Variants in LUZP2 observed in about 807,000 individuals in gnomAD.
The protein encoded by LUZP2 is leucine zipper protein 2.
A neutral mutation model predicts 51.6 loss-of-function variants in LUZP2; 52 were observed. The ratio of observed to expected loss-of-function variants is 1.01; its 90% CI spans 0.81 to 1.27. LUZP2 has a LOEUF of 1.27. Ranked by LOEUF, LUZP2 falls within the 50% of genes most tolerant of loss-of-function variation. LUZP2 has a pLI of 0.00. For synonymous variants in LUZP2, 154 were observed against 137.3 expected, an observed-to-expected ratio of 1.12 and a Z score of -0.85; for missense variants, 436 against 395.4, an observed-to-expected ratio of 1.10 and a Z score of -0.87.
At chr11:24,909,591 A>T (rs1565093145) in intron 6 of LUZP2, among the ~76,000 whole-genome samples, 1 of 152,206 alleles carries the variant, frequency 6.6e-6, no homozygotes, top group East Asian at 1.9e-4. Flanking sequence ...GCAGGGAGAA[A>T]ATGCCAATCA....
At chr11:25,004,136 C>A (rs937364100) in intron 9 of LUZP2, among the ~76,000 whole-genome samples, 3 of 152,130 alleles carry the variant, frequency 2.0e-5, no homozygotes, top group Non-Finnish European at 4.4e-5. Context: ...GACCTGGGCA[C>A]CCTGAGTCCA....
At chr11:24,531,139 G>T (rs955924231) in intron 1 of LUZP2, among the ~76,000 whole-genome samples, 3 of 149,570 alleles carry the variant, frequency 2.0e-5, no homozygotes, top group African/African-American at 7.3e-5. Context: ...CATTACCCTT[G>T]TTTCTCTGTC....
intron 1 of LUZP2, among the ~76,000 whole-genome samples, chr11:24,531,477 ATTG>A (rs1345745954): frequency 6.6e-6 from 1 of 150,862 alleles, no homozygotes; most frequent in Non-Finnish European, 1.5e-5. Context: ...GTATAAATAA[ATTG>A]TTGTTTATCA....
chr11:24,818,987 G>T (rs1350059525), intron 5 of LUZP2, among the ~76,000 whole-genome samples: 2 of 152,042 alleles, frequency 1.3e-5, no homozygotes, highest in African/African-American at 2.4e-5. Flanking sequence ...CCATGAAAAT[G>T]AGTTTTAATA....
chr11:24,605,561 ATTATT>A (rs1208894147), intron 1 of LUZP2, among the ~76,000 whole-genome samples: 1 of 151,740 alleles, frequency 6.6e-6, no homozygotes, highest in African/African-American at 2.4e-5. Flanking sequence ...AATAAAAATA[ATTATT>A]TTATTGAATG....
intron 1 of LUZP2, among the ~76,000 whole-genome samples, chr11:24,661,762 A>G (rs4287338): frequency 0.19 from 29,505 of 152,144 alleles, 2,971 homozygotes; most frequent in East Asian, 0.34. Flanking sequence ...TGAAATAGTA[A>G]CTATTCGTGA....
chr11:24,700,644 C>T (rs184318033), intron 1 of LUZP2, among the ~76,000 whole-genome samples: 2 of 151,676 alleles, frequency 1.3e-5, no homozygotes, highest in Non-Finnish European at 2.9e-5. Flanking sequence ...GATAATGTAC[C>T]GTAATTTTGT....
chr11:24,823,513 C>G (rs774934475), intron 5 of LUZP2, among the ~76,000 whole-genome samples: 1 of 151,576 alleles, frequency 6.6e-6, no homozygotes, highest in Non-Finnish European at 1.5e-5. Flanking sequence ...GTATTATAAT[C>G]AGATTTACAT....
chr11:24,991,859 A>G (rs1856357177), intron 9 of LUZP2, among the ~76,000 whole-genome samples: 2 of 151,858 alleles, frequency 1.3e-5, no homozygotes, highest in Non-Finnish European at 2.9e-5. Flanking sequence ...GGCCATTTGT[A>G]TGTTTTCTTT....
At chr11:25,002,891 G>A (rs1253642539) in intron 9 of LUZP2, among the ~76,000 whole-genome samples, 4 of 152,200 alleles carry the variant, frequency 2.6e-5, no homozygotes, top group East Asian at 3.9e-4. Context: ...CTTGATTAGA[G>A]TATACAGGAG....
At chr11:24,738,443 AG>A (rs1274104100) in intron 4 of LUZP2, 141 bp downstream of exon 4, 1 of 616,968 alleles carries the variant, frequency 1.6e-6, no homozygotes, top group Non-Finnish European at 2.9e-6. Context: ...CAATGTGAAC[AG>A]AATAGTACTT....
chr11:25,077,091 T>A (rs1859329553), intron 10 of LUZP2, among the ~76,000 whole-genome samples: 1 of 152,194 alleles, frequency 6.6e-6, no homozygotes, highest in Non-Finnish European at 1.5e-5. Flanking sequence ...TGTACTTCTT[T>A]GTAGTAGCTG....
At chr11:24,910,604 G>A (rs1451767842) in intron 6 of LUZP2, among the ~76,000 whole-genome samples, 1 of 152,218 alleles carries the variant, frequency 6.6e-6, no homozygotes, top group Non-Finnish European at 1.5e-5. Flanking sequence ...TATTGAGCCT[G>A]TGGGCACACA....
At chr11:25,067,845 A>C (rs1345006846) in intron 10 of LUZP2, among the ~76,000 whole-genome samples, 1 of 152,048 alleles carries the variant, frequency 6.6e-6, no homozygotes, top group Non-Finnish European at 1.5e-5. Flanking sequence ...AAATCATTCT[A>C]CTATAAAGAC....
In LUZP2 at chr11:24,997,940, C is replaced by T. The variant is rs1437353332; in HGVS notation, c.765+14647C>T. Among the ~76,000 whole-genome samples the T allele has an allele frequency of 3.9e-5, 6 of 152,074 alleles. No individual in the cohort carries two copies. In the East Asian group the frequency reaches 9.7e-4, roughly 24 times the overall value. ...AGATCGGACAGTTGTAGATATGCAGCGTTATTTCTGAGGGCTCTGTTCTGT... is the reference window on the plus strand; with the variant it reads ...AGATCGGACAGTTGTAGATATGCAGTGTTATTTCTGAGGGCTCTGTTCTGT... On this transcript the variant is annotated intron_variant, in intron 9 of 11. Transcript: ENST00000336930.
At chr11:25,031,416 A>T (rs940838128) in intron 9 of LUZP2, among the ~76,000 whole-genome samples, 34 of 152,098 alleles carry the variant, frequency 2.2e-4, no homozygotes, top group Admixed American at 1.9e-3. Flanking sequence ...TGTGTTTTCC[A>T]ATGGATTTAA....
At chr11:24,971,597 TAAC>T (rs2133896429) in intron 7 of LUZP2, among the ~76,000 whole-genome samples, 1 of 152,182 alleles carries the variant, frequency 6.6e-6, no homozygotes, top group African/African-American at 2.4e-5. Context: ...TATCCGCATG[TAAC>T]AAATCTGCAC....
intron 5 of LUZP2, among the ~76,000 whole-genome samples, chr11:24,791,127 C>T (rs1020390599): frequency 5.9e-5 from 9 of 152,142 alleles, no homozygotes; most frequent in Admixed American, 2.0e-4. Context: ...AGACAAAACA[C>T]TTCGTAATAA....
intron 4 of LUZP2, chr11:24,751,473 CAGGCCTCTCCTGTCATCA>C (rs1859585912): frequency 4.5e-6 from 2 of 439,984 alleles, no homozygotes; most frequent in South Asian, 1.9e-4. Flanking sequence ...GGCAACAGCT[CAGGCCTCTCCTGTCATCA>C]AGGTAACATC....
Sources: allele counts gnomAD v4.1 joint callset (sites outside exome capture counted in the v4.1 genomes callset), GRCh38; gene constraint gnomAD v4.1.1; transcripts MANE v1.5; gene names NCBI Gene and HGNC (gene_info 2026-07-23, HGNC 2026-07-21).